The following PDE2A variants were observed in gnomAD, a reference collection of about 807,000 sequenced individuals.
PDE2A encodes the protein cGMP-dependent 3',5'-cyclic phosphodiesterase.
A neutral mutation model predicts 133.6 loss-of-function variants in PDE2A; 53 were observed. The ratio of observed to expected loss-of-function variants is 0.40; its 90% CI spans 0.32 to 0.50. PDE2A has a LOEUF of 0.50. PDE2A is among the 20% of genes least tolerant of loss of function. The pLI, the probability that PDE2A is intolerant of heterozygous loss-of-function variation, is 0.73. For missense variants in PDE2A, 796 were observed against 1,232.4 expected, an observed-to-expected ratio of 0.65 and a Z score of 5.30; for synonymous variants, 491 against 490.2, an observed-to-expected ratio of 1.00 and a Z score of -0.02.
Position 72,658,704 on chromosome 11 carries a change from A to G in PDE2A, c.71+15433T>C, listed in dbSNP as rs1404981789. Among the ~76,000 whole-genome samples the G allele has an allele frequency of 2.0e-5, 3 of 152,148 alleles. No individual in the cohort carries two copies. The East Asian group carries it at 5.8e-4, about 29-fold the overall frequency. ...TTTTTTGGAGCAGGAGAATGGGAACAAAATTAACACGCAGTCACACAACAA... is the reference window on the plus strand; with the variant it reads ...TTTTTTGGAGCAGGAGAATGGGAACGAAATTAACACGCAGTCACACAACAA... On this transcript the variant is annotated intron_variant, in intron 1 of 30. Transcript: ENST00000334456.
intron 1 of PDE2A, among the ~76,000 whole-genome samples, chr11:72,672,050 A>T (rs1855397351): frequency 6.6e-6 from 1 of 151,976 alleles, no homozygotes; most frequent in South Asian, 2.1e-4. Context: ...GTTCTCAAAA[A>T]GCTCCAGAAC....
chr11:72,626,467 T>G (rs1226836008), intron 2 of PDE2A, among the ~76,000 whole-genome samples: 1 of 152,224 alleles, frequency 6.6e-6, no homozygotes, highest in Non-Finnish European at 1.5e-5. Flanking sequence ...CACTGGCTCC[T>G]GATGTGCAGA....
intron 6 of PDE2A, among the ~76,000 whole-genome samples, chr11:72,594,570 A>C (rs1856387847): frequency 6.6e-6 from 1 of 152,080 alleles, no homozygotes; most frequent in Non-Finnish European, 1.5e-5. Context: ...GTATTTGAGG[A>C]GGTGAAGGGA....
intron 1 of PDE2A, among the ~76,000 whole-genome samples, chr11:72,646,588 C>A (rs1327951855): frequency 1.3e-5 from 2 of 152,198 alleles, no homozygotes; most frequent in African/African-American, 4.8e-5. Context: ...ACCATGTTCA[C>A]CCTCTGCTCA....
chr11:72,630,827 G>A (rs551532743), intron 2 of PDE2A, among the ~76,000 whole-genome samples: 1 of 152,132 alleles, frequency 6.6e-6, no homozygotes, highest in African/African-American at 2.4e-5. Flanking sequence ...GGGAGGACAA[G>A]GGAGGAGTCT....
At chr11:72,617,448 T>A (rs993700093) in intron 2 of PDE2A, among the ~76,000 whole-genome samples, 6 of 152,206 alleles carry the variant, frequency 3.9e-5, no homozygotes, top group African/African-American at 9.7e-5. Flanking sequence ...GTTTTCTCCC[T>A]GCCTCTCAGC....
intron 4 of PDE2A, among the ~76,000 whole-genome samples, chr11:72,602,408 C>T (rs1034981352): frequency 9.9e-5 from 15 of 152,160 alleles, no homozygotes; most frequent in African/African-American, 3.6e-4. Context: ...GCCTCCACGC[C>T]ACACCTGCTG....
At chr11:72,632,180 G>C (rs903071350) in intron 2 of PDE2A, among the ~76,000 whole-genome samples, 1 of 152,098 alleles carries the variant, frequency 6.6e-6, no homozygotes, top group Non-Finnish European at 1.5e-5. Flanking sequence ...CCCTCTTCTC[G>C]CCTGGGCACT....
intron 2 of PDE2A, among the ~76,000 whole-genome samples, chr11:72,617,995 G>A (rs749571734): frequency 2.6e-5 from 4 of 152,166 alleles, no homozygotes; most frequent in South Asian, 2.1e-4. Context: ...CCCCAGGGCC[G>A]GGGTCTCTCA....
intron 26 of PDE2A, 60 bp downstream of exon 26, chr11:72,579,474 C>A: frequency 6.4e-7 from 1 of 1,561,876 alleles, no homozygotes; most frequent in Non-Finnish European, 8.7e-7. Context: ...GGCTCCTTAT[C>A]CCACCTCCAG....
chr11:72,630,515 C>T (rs573990407), intron 2 of PDE2A, among the ~76,000 whole-genome samples: 34 of 134,010 alleles, frequency 2.5e-4, no homozygotes, highest in African/African-American at 9.9e-4. Flanking sequence ...CCAGCAGGAG[C>T]AGTTTGGGGG....
chr11:72,589,139 C>T lies in PDE2A; in HGVS notation c.939+36G>A, dbSNP rs1856115373. 3.8e-6 allele frequency: 6 copies of T among 1,577,026 alleles called. No individual in the cohort carries two copies. In the South Asian group the frequency reaches 4.5e-5, roughly 12 times the overall value. ...CTCTAGGGGCTGGCAGTGGGGTCTC[C>T]TCTTTCCCCTCTGGGTCAGCCAGGC... On this transcript the variant is annotated intron_variant, in intron 12 of 30. Transcript: ENST00000334456.
At chr11:72,599,295 A>C (rs1856631147) in intron 4 of PDE2A, among the ~76,000 whole-genome samples, 1 of 150,468 alleles carries the variant, frequency 6.6e-6, no homozygotes, top group Non-Finnish European at 1.5e-5. Flanking sequence ...CGGCCTCATG[A>C]CTCTCCAGCC....
intron 19 of PDE2A, 193 bp from the exon 20 acceptor site, chr11:72,583,708 CTCA>C: frequency 1.7e-6 from 1 of 594,206 alleles, no homozygotes; most frequent in Non-Finnish European, 3.0e-6. Flanking sequence ...CCGGTTCCTC[CTCA>C]TCAAGTTCTC....
chr11:72,672,682 T>C lies in PDE2A; in HGVS notation c.71+1455A>G, dbSNP rs1233606025. Reference sequence around the variant, plus strand: ...ATGCCCAGCCCAGGGCCTTTGCTTATGCAGTTCCCACCCCACCCCCACCTG... The same window carrying C: ...ATGCCCAGCCCAGGGCCTTTGCTTACGCAGTTCCCACCCCACCCCCACCTG... On this transcript the variant is annotated intron_variant, in intron 1 of 30. Transcript: ENST00000334456. Among the ~76,000 whole-genome samples, 4 of 152,104 alleles carry C rather than the reference T, an allele frequency of 2.6e-5. No homozygotes were observed. The East Asian group carries it at 7.7e-4, about 29-fold the overall frequency.
At chr11:72,627,402 C>T (rs895043938) in intron 2 of PDE2A, among the ~76,000 whole-genome samples, 1 of 152,182 alleles carries the variant, frequency 6.6e-6, no homozygotes, top group Admixed American at 6.5e-5. Context: ...GTAGAGGGAC[C>T]AGTCTGAGGA....
chr11:72,590,347 C>A lies in PDE2A; in HGVS notation c.703+80G>T. 6.5e-7 allele frequency: 1 copy of A among 1,538,306 alleles called. No individual in the cohort carries two copies. The highest frequency in any genetic ancestry group is 8.8e-7 in the Non-Finnish European group (1 of 1,136,388). The stretch of plus-strand genomic sequence containing the variant: ...CCGCGCCGGGCCCGCCGCCGGCTCC[C>A]GGGATCGCCTAACCCGCCCACCTCC... On this transcript the variant is annotated intron_variant, in intron 8 of 30. Transcript: ENST00000334456. This position sits in a 1 kb window ranked among gnomAD's most constrained non-coding sequence, Gnocchi z 4.8.
chr11:72,641,996 C>T (rs1858971208), intron 2 of PDE2A, among the ~76,000 whole-genome samples: 2 of 152,228 alleles, frequency 1.3e-5, no homozygotes, highest in African/African-American at 4.8e-5. Context: ...GTGTGCACTG[C>T]GGTCCCACCG....
intron 1 of PDE2A, among the ~76,000 whole-genome samples, chr11:72,649,976 G>A (rs906721132): frequency 2.7e-5 from 4 of 150,928 alleles, no homozygotes; most frequent in South Asian, 4.2e-4. Flanking sequence ...AGCCCCAACC[G>A]CCGTCCTCAG....
Sources: gnomAD v4.1 joint callset for allele counts (sites outside exome capture counted in the v4.1 genomes callset) on GRCh38, gnomAD v4.1.1 for gene constraint, Gnocchi (gnomAD v3.1) non-coding constraint, MANE v1.5 for transcripts, NCBI Gene and HGNC (gene_info 2026-07-23, HGNC 2026-07-21) for gene names.